TMBIM1: variants seen among roughly 807,000 people sequenced by gnomAD.
TMBIM1 encodes protein lifeguard 3.
In TMBIM1, 34 loss-of-function variants were observed where a neutral mutation model predicts 45.1. That is an observed-to-expected ratio of 0.75 (90% CI 0.57 to 1.00). The LOEUF is 1.00. Among genes scored for constraint, TMBIM1 ranks in the 50% least tolerant of loss-of-function variants. The pLI is 0.00. For synonymous variants in TMBIM1, 157 were observed against 153.5 expected (o/e 1.02, Z -0.17); for missense variants, 374 against 402.4 (o/e 0.93, Z 0.60).
At chr2:218,277,146 C>T in intron 9 of TMBIM1, 47 bp from the exon 10 acceptor site, 2 of 1,543,848 alleles carry the variant, frequency 1.3e-6, no homozygotes, top group East Asian at 4.5e-5. Context: ...CTGTGACAAC[C>T]AGCCCAGTCA....
In TMBIM1 at chr2:218,275,585, G is replaced by A. The variant is rs751447108; in HGVS notation, c.826C>T (p.Arg276Trp). The change falls in exon 12 of 12, where the codon CGG becomes TGG. Residue 276 changes from arginine (R) to tryptophan (W), a missense_variant. Coordinates refer to ENST00000258412, the MANE Select transcript of TMBIM1 (RefSeq NM_022152.6). The stretch of plus-strand genomic sequence containing the variant: ...TCCTCGGGGCTGATGGTGTGCTTCC[G>A]GTTCCCCAGGACCAGCTGTGTGTCG... ...AYDTQLVLGN[R>W]KHTISPEDYI... 8.7e-6 allele frequency: 14 copies of A among 1,613,704 alleles called. No homozygotes were observed. The highest frequency in any genetic ancestry group is 3.3e-5 in the Admixed American group (2 of 59,956).
At chr2:218,284,531 G>A (rs902015989) in intron 1 of TMBIM1, among the ~76,000 whole-genome samples, 4 of 152,246 alleles carry the variant, frequency 2.6e-5, no homozygotes, top group Admixed American at 6.5e-5. Flanking sequence ...GCAGCTCAGC[G>A]GGTGCTGACT....
Position 218,278,037 on chromosome 2 carries a change from C to A in TMBIM1, c.474-63G>T, listed in dbSNP as rs891501678. 3.8e-6 allele frequency: 6 copies of A among 1,590,238 alleles called. No individual in the cohort carries two copies. The African/African-American group carries it at 5.4e-5, about 14-fold the overall frequency. On this transcript the variant is annotated intron_variant, in intron 6 of 11. Coordinates refer to ENST00000258412, the MANE Select transcript of TMBIM1 (RefSeq NM_022152.6). The stretch of plus-strand genomic sequence containing the variant: ...GCCCCTCAGGCGTCAGAGGCTCCTA[C>A]AGCAGAAGGAAGCGCTTGGCTCCTG...
At chr2:218,281,417 G>A (rs149750914) in intron 2 of TMBIM1, among the ~76,000 whole-genome samples, 245 of 152,274 alleles carry the variant, frequency 1.6e-3, no homozygotes, top group African/African-American at 5.1e-3. Context: ...GATTACAGGC[G>A]TGAGCCACCG....
At chr2:218,278,669 G>A (rs1691520737) in intron 5 of TMBIM1, 104 bp from the exon 6 acceptor site, 2 of 1,274,140 alleles carry the variant, frequency 1.6e-6, no homozygotes. Context: ...TTGGAAGTCT[G>A]AGGGGAAGCA....
At chr2:218,276,547 G>A in intron 10 of TMBIM1, among the ~76,000 whole-genome samples, 1 of 152,174 alleles carries the variant, frequency 6.6e-6, no homozygotes, top group Non-Finnish European at 1.5e-5. Flanking sequence ...GACAGAGCTG[G>A]CCCATGGGCA....
chr2:218,284,785 T>C (rs990150208), intron 1 of TMBIM1, among the ~76,000 whole-genome samples: 1 of 152,304 alleles, frequency 6.6e-6, no homozygotes, highest in Non-Finnish European at 1.5e-5. Flanking sequence ...GCTATAAAAA[T>C]TAAGTGAGAA....
rs1481954760 is a variant in TMBIM1, at chr2:218,279,055, A to G, written c.405T>C (p.Ala135=). The G allele has an allele frequency of 1.2e-6, 2 of 1,614,160 alleles. No homozygotes were observed. The highest frequency in any genetic ancestry group is 2.2e-5 in the East Asian group (1 of 44,868). The part of the protein sequence containing the change: ...PVSAFVRRNV[A]VYYVSYAVFV... ...ACACTCACTAGGACACGTAGTAGAC[A>G]GCCACATTTCTCCTCACAAAGGCGC... The change falls in exon 5 of 12, where the codon GCT becomes GCC. Residue 135 remains alanine (A), a synonymous_variant. Transcript: ENST00000258412.
At chr2:218,280,332 G>A (rs1042070703) in intron 2 of TMBIM1, 5 of 523,090 alleles carry the variant, frequency 9.6e-6, no homozygotes, top group Admixed American at 3.3e-5. Context: ...GGTGGGAAAC[G>A]TTCCTCACGT....
intron 2 of TMBIM1, 69 bp from the exon 3 acceptor site, chr2:218,280,195 G>A (rs1691745040): frequency 8.7e-7 from 1 of 1,155,320 alleles, no homozygotes; most frequent in Admixed American, 1.7e-5. Flanking sequence ...AAGCCTCCCT[G>A]ACAATCTCAA....
In TMBIM1 at chr2:218,277,653, GA is replaced by G; in HGVS notation, c.530del (p.Phe177SerfsTer2). 6.2e-7 allele frequency: 1 copy of G among 1,614,182 alleles called. No individual in the cohort carries two copies. Among genetic ancestry groups the G allele is most frequent in the Non-Finnish European group, 8.5e-7 (1 of 1,180,054 alleles). On this transcript the variant is annotated frameshift_variant, in exon 8 of 12. Coordinates refer to ENST00000258412, the MANE Select transcript of TMBIM1 (RefSeq NM_022152.6). LOFTEE classifies it high-confidence loss of function. ...LLTLFTFAMG[F>X]MTGTISSMYQ... ...TGTACCTGGAAATGGTGCCCGTCAT[GA>G]AGCCCATGGCAAAAGTCTAAGGGAA...
In TMBIM1 at chr2:218,278,635, G is replaced by C. The variant is rs1436117347; in HGVS notation, c.423-70C>G. 3.9e-6 allele frequency: 6 copies of C among 1,551,496 alleles called. No individual in the cohort carries two copies. In the African/African-American group the frequency reaches 5.4e-5, roughly 14 times the overall value. The stretch of plus-strand genomic sequence containing the variant: ...CCGCTTGGCAGCACACACCAGGCCA[G>C]TGATTTGGGGCCCAAATAGCCGTTT... On this transcript the variant is annotated intron_variant, in intron 5 of 11. Transcript: ENST00000258412.
intron 2 of TMBIM1, 95 bp downstream of exon 2, chr2:218,281,845 G>A (rs995166248): frequency 4.1e-6 from 4 of 980,414 alleles, no homozygotes; most frequent in Non-Finnish European, 6.2e-6. Flanking sequence ...GGATTTAAGG[G>A]AAACTAGAAG....
rs756386538 is a variant in TMBIM1, at chr2:218,280,055, G to C, written c.274C>G (p.Arg92Gly). 1 of 1,614,056 alleles carries C rather than the reference G, an allele frequency of 6.2e-7. No individual in the cohort carries two copies. Among genetic ancestry groups the C allele is most frequent in the Non-Finnish European group, 8.5e-7 (1 of 1,179,962 alleles). Residue 92 changes from arginine (R) to glycine (G), a missense_variant, in exon 3 of 12, where the codon CGG becomes GGG. Transcript: ENST00000258412. ...DSFGPGEWDD[R>G]KVRHTFIRKV... ...CGGATAAAAGTGTGTCGCACTTTCC[G>C]GTCATCCCACTCTCCAGGCCCGAAG...
Position 218,278,358 on chromosome 2 carries a change from T to G in TMBIM1, c.473+157A>C. 4.0e-6 allele frequency: 3 copies of G among 746,900 alleles called. No homozygotes were observed. In the South Asian group the frequency reaches 5.2e-5, roughly 13 times the overall value. 46.3% of individuals were successfully genotyped at this position (746,900 alleles called of 1,614,324 possible). A position where few individuals can be genotyped will look rare whatever the true frequency, so the allele number is the denominator to read the frequency against. On this transcript the variant is annotated intron_variant, in intron 6 of 11. Coordinates refer to ENST00000258412, the MANE Select transcript of TMBIM1 (RefSeq NM_022152.6). ...TTAGCTCCTAAACACACATGGTCCTTTGTATACACCTGAACAGTAGCTGTC... is the reference window on the plus strand; with the variant it reads ...TTAGCTCCTAAACACACATGGTCCTGTGTATACACCTGAACAGTAGCTGTC...
At position 218,276,060 on chromosome 2, in the gene TMBIM1, A is replaced by T. The variant is rs1280602487; in HGVS notation, c.755T>A (p.Leu252His). ...YFQYVYWLHMLYAALGAICFT... is the reference protein window; with the variant it reads ...YFQYVYWLHMHYAALGAICFT... ...ACAAATGGCCCCCAGAGCAGCATAG[A>T]GCATGTGGAGCCAGTAAACCTGGAG... Residue 252 changes from leucine (L) to histidine (H), a missense_variant, in exon 11 of 12, where the codon CTC (leucine) becomes CAC (histidine). Transcript: ENST00000258412. 3 of 1,613,030 alleles carry T rather than the reference A, an allele frequency of 1.9e-6. No individual in the cohort carries two copies. The highest frequency in any genetic ancestry group is 2.7e-5 in the African/African-American group (2 of 74,890).
chr2:218,277,268 G>T, intron 9 of TMBIM1, 98 bp downstream of exon 9: 1 of 1,236,190 alleles, frequency 8.1e-7, no homozygotes, highest in Non-Finnish European at 1.2e-6. Flanking sequence ...TGAGGAGAAG[G>T]GGATCAGGTC....
chr2:218,282,041 C>T lies in TMBIM1; in HGVS notation c.101G>A (p.Gly34Glu), dbSNP rs1216072868. Reference sequence around the variant, plus strand: ...GTAGCCAGGGTAGGCAGGATACCCTCCTGGCAGGACAGATGGCTGCCCATA... The same window carrying T: ...GTAGCCAGGGTAGGCAGGATACCCTTCTGGCAGGACAGATGGCTGCCCATA... ...GGYGQPSVLP[G>E]GYPAYPGYPQ... Residue 34 changes from glycine to glutamate, a missense_variant, in exon 2 of 12, where the codon GGA becomes GAA. Gly to Glu is a moderately conservative substitution (Grantham distance 98). Transcript: ENST00000258412. 6.2e-7 allele frequency: 1 copy of T among 1,605,506 alleles called. No homozygotes were observed. Among genetic ancestry groups the T allele is most frequent in the Non-Finnish European group, 8.5e-7 (1 of 1,177,246 alleles).
At chr2:218,282,447 G>A (rs1056898072) in intron 1 of TMBIM1, among the ~76,000 whole-genome samples, 55 of 152,354 alleles carry the variant, frequency 3.6e-4, no homozygotes, top group Admixed American at 3.5e-3. Context: ...GGAAGGATTC[G>A]CTGAGGAGAG....
Sources: gnomAD v4.1 joint callset for allele counts (sites outside exome capture counted in the v4.1 genomes callset) on GRCh38, gnomAD v4.1.1 for gene constraint, MANE v1.5 for transcripts, NCBI Gene and HGNC (gene_info 2026-07-23, HGNC 2026-07-21) for gene names.